Variants in USP35 observed in about 807,000 individuals in gnomAD.
USP35 encodes the protein ubiquitin specific peptidase 35.
In USP35, 69 loss-of-function variants were observed where a neutral mutation model predicts 83.8. The observed-to-expected ratio is 0.82, with a 90% CI of 0.68 to 1.01. USP35 has a LOEUF of 1.01. Ranked by LOEUF, USP35 falls within the 50% of genes least tolerant of loss-of-function variation. The pLI is 0.00. For synonymous variants in USP35, 714 were observed against 589.5 expected, an observed-to-expected ratio of 1.21 and a Z score of -3.06; for missense variants, 1,503 against 1,362.5, an observed-to-expected ratio of 1.10 and a Z score of -1.62.
downstream of USP35, chr11:78,215,426 C>A (rs1294432939): frequency 6.6e-6 from 1 of 152,510 alleles, no homozygotes; most frequent in Non-Finnish European, 1.5e-5. Flanking sequence ...TCCTGTCCCA[C>A]CCACCGGATA....
At chr11:78,233,627 G>A in the USP35 span, among the ~76,000 whole-genome samples, 8 of 152,048 alleles carry the variant, frequency 5.3e-5, no homozygotes, top group Admixed American at 1.3e-4. Flanking sequence ...TTTTGAGATG[G>A]AGTCTTGCTC....
intron 10 of USP35, among the ~76,000 whole-genome samples, 156 bp downstream of exon 10, chr11:78,210,900 C>G (rs999020972): frequency 6.6e-6 from 1 of 152,192 alleles, no homozygotes; most frequent in African/African-American, 2.4e-5. Flanking sequence ...CCAGACAGAC[C>G]TAACCCCTTA....
chr11:78,221,717 C>T, the USP35 span: 1 of 1,613,612 alleles, frequency 6.2e-7, no homozygotes, highest in Non-Finnish European at 8.5e-7. Context: ...TGAGTCTGTG[C>T]TGGTGATGCT....
At chr11:78,207,440 C>T in intron 7 of USP35, 90 bp from the exon 8 acceptor site, 1 of 1,330,080 alleles carries the variant, frequency 7.5e-7, no homozygotes, top group South Asian at 1.2e-5. Context: ...TGCCTTTGGC[C>T]TAGAGGCTCT....
chr11:78,211,782 C>T (rs911528149), intron 10 of USP35, among the ~76,000 whole-genome samples: 3 of 152,176 alleles, frequency 2.0e-5, no homozygotes, highest in African/African-American at 4.8e-5. Flanking sequence ...CCTTTGCCCA[C>T]TTTTTAATGG....
chr11:78,205,065 G>C (rs1744337915), intron 6 of USP35, among the ~76,000 whole-genome samples: 1 of 152,240 alleles, frequency 6.6e-6, no homozygotes, highest in African/African-American at 2.4e-5. Flanking sequence ...GTGGTGCTTA[G>C]ATGTTGTTCT....
chr11:78,206,111 T>C, intron 7 of USP35, 76 bp downstream of exon 7: 4 of 1,479,838 alleles, frequency 2.7e-6, no homozygotes, highest in South Asian at 1.3e-5. Context: ...TGGAAAGGTG[T>C]CCGGGGTGGG....
rs1049484719 is a variant in USP35 at position 78,196,284 on chromosome 11, C to T, written c.39C>T (p.Tyr13=). The change falls in exon 2 of 11, where the codon TAC becomes TAT. Residue 13 remains tyrosine, a synonymous_variant. Coordinates refer to ENST00000529308, the MANE Select transcript of USP35 (RefSeq NM_020798.4). The surrounding 1 kb of genome is among the most constrained non-coding windows in gnomAD (Gnocchi z 4.8). ...KILEAVVTSS[Y]PVSVKQGLVR... Reference sequence around the variant, plus strand: ...TGGAGGCGGTGGTGACGTCGTCATACCCGGTCAGCGTGAAGCAGGGGCTGG... The same window carrying T: ...TGGAGGCGGTGGTGACGTCGTCATATCCGGTCAGCGTGAAGCAGGGGCTGG... 23 of 1,595,254 alleles carry T rather than the reference C, an allele frequency of 1.4e-5. No homozygotes were observed. Among genetic ancestry groups the T allele is most frequent in the Non-Finnish European group, 1.9e-5 (22 of 1,177,772 alleles).
intron 10 of USP35, among the ~76,000 whole-genome samples, chr11:78,211,528 C>T (rs1191447100): frequency 6.6e-6 from 1 of 152,198 alleles, no homozygotes; most frequent in African/African-American, 2.4e-5. Context: ...GGAATTGCCA[C>T]ACTGTCTTCC....
intron 6 of USP35, among the ~76,000 whole-genome samples, chr11:78,204,290 G>C (rs1475486193): frequency 6.6e-6 from 1 of 152,208 alleles, no homozygotes; most frequent in Non-Finnish European, 1.5e-5. Context: ...GCAAATTATA[G>C]GATTTTACTG....
At chr11:78,222,412 G>GCA in the USP35 span, among the ~76,000 whole-genome samples, 1 of 151,522 alleles carries the variant, frequency 6.6e-6, no homozygotes, top group Admixed American at 6.6e-5. Context: ...TCTTTCTGCT[G>GCA]TATCTATGGT....
At chr11:78,232,436 G>A in the USP35 span, among the ~76,000 whole-genome samples, 1 of 152,164 alleles carries the variant, frequency 6.6e-6, no homozygotes, top group Non-Finnish European at 1.5e-5. Context: ...AAGGCTGGAG[G>A]ACAAAAATAA....
At chr11:78,236,348 G>A in the USP35 span, among the ~76,000 whole-genome samples, 407 of 152,118 alleles carry the variant, frequency 2.7e-3, 4 homozygotes, top group South Asian at 0.018. Context: ...ACAGGGTTTC[G>A]CCATGTTGCT....
chr11:78,223,323 T>G, the USP35 span: 1 of 1,136,188 alleles, frequency 8.8e-7, no homozygotes, highest in African/African-American at 1.6e-5. Flanking sequence ...GTCACACCTC[T>G]CAAGTCCAGG....
chr11:78,212,527 T>C (rs562376535), intron 10 of USP35, among the ~76,000 whole-genome samples: 1 of 152,010 alleles, frequency 6.6e-6, no homozygotes, highest in South Asian at 2.1e-4. Flanking sequence ...CATTGGGCAG[T>C]ATGGCCATTT....
the USP35 span, chr11:78,222,241 G>T: frequency 1.7e-6 from 2 of 1,196,646 alleles, no homozygotes; most frequent in Non-Finnish European, 2.5e-6. Flanking sequence ...TAATGATAAT[G>T]CTACACATAC....
chr11:78,227,051 C>A, the USP35 span: 1 of 1,596,882 alleles, frequency 6.3e-7, no homozygotes, highest in Non-Finnish European at 8.6e-7. Flanking sequence ...AGCTGGCACT[C>A]CTAAAAGAGA....
chr11:78,209,571 C>T lies in USP35; in HGVS notation c.1716C>T (p.Gly572=), dbSNP rs774883308. ...SSTSVEKMFG[G]KIVTRICCLC... The stretch of plus-strand genomic sequence containing the variant: ...CCTCTGTGGAAAAAATGTTTGGAGG[C>T]AAGATAGTGACTCGGATCTGCTGTC... Residue 572 remains glycine, a synonymous_variant, in exon 10 of 11, where the codon GGC becomes GGT. Coordinates refer to ENST00000529308, the MANE Select transcript of USP35 (RefSeq NM_020798.4). 9 of 1,614,154 alleles carry T rather than the reference C, an allele frequency of 5.6e-6. No individual in the cohort carries two copies. The highest frequency in any genetic ancestry group is 5.1e-6 in the Non-Finnish European group (6 of 1,180,020).
the USP35 span, among the ~76,000 whole-genome samples, chr11:78,224,611 G>A: frequency 6.6e-6 from 1 of 152,156 alleles, no homozygotes; most frequent in Admixed American, 6.5e-5. Flanking sequence ...TCTTTTCAGT[G>A]GGCCTGAAGC....
Sources: gnomAD v4.1 joint callset for allele counts (sites outside exome capture counted in the v4.1 genomes callset) on GRCh38, gnomAD v4.1.1 for gene constraint, Gnocchi (gnomAD v3.1) non-coding constraint, MANE v1.5 for transcripts, NCBI Gene and HGNC (gene_info 2026-07-23, HGNC 2026-07-21) for gene names.